The following CDH12 variants were observed in gnomAD, a reference collection of about 807,000 sequenced individuals.
CDH12 encodes cadherin-12.
In CDH12, 41 loss-of-function variants were observed where a neutral mutation model predicts 74.1. That is an observed-to-expected ratio of 0.55 (90% CI 0.43 to 0.72). CDH12 has a LOEUF of 0.72. Ranked by LOEUF, CDH12 falls within the 30% of genes least tolerant of loss-of-function variation. CDH12 has a pLI of 0.00. For missense variants in CDH12, 945 were observed against 977.2 expected, an observed-to-expected ratio of 0.97 and a Z score of 0.44; for synonymous variants, 399 against 355.0, an observed-to-expected ratio of 1.12 and a Z score of -1.39.
intron 1 of CDH12, among the ~76,000 whole-genome samples, chr5:22,655,743 T>C (rs141707627): frequency 2.6e-5 from 4 of 152,362 alleles, no homozygotes; most frequent in African/African-American, 9.6e-5. Context: ...TGCCTTTGTT[T>C]ATGCTGTCGC....
intron 5 of CDH12, among the ~76,000 whole-genome samples, chr5:22,060,342 G>A (rs1243754601): frequency 6.6e-6 from 1 of 151,952 alleles, no homozygotes; most frequent in Non-Finnish European, 1.5e-5. Context: ...AGGGGAGGGA[G>A]AGCATTAGGA....
intron 1 of CDH12, among the ~76,000 whole-genome samples, chr5:22,529,084 C>CAT (rs1198489434): frequency 6.7e-6 from 1 of 148,862 alleles, no homozygotes; most frequent in Admixed American, 6.7e-5. Context: ...CATATATATG[C>CAT]ATGCAAAACA....
At chr5:22,228,745 G>A (rs1454920030) in intron 3 of CDH12, among the ~76,000 whole-genome samples, 2 of 152,026 alleles carry the variant, frequency 1.3e-5, no homozygotes, top group Non-Finnish European at 1.5e-5. Flanking sequence ...CCCTTAATCA[G>A]ATATGAGAGA....
chr5:22,728,416 G>A (rs1271657857), intron 1 of CDH12, among the ~76,000 whole-genome samples: 3 of 151,652 alleles, frequency 2.0e-5, no homozygotes, highest in African/African-American at 4.8e-5. Flanking sequence ...TGTTTCTTCC[G>A]GTAGTCATTC....
At chr5:22,785,134 G>A (rs944830642) in intron 1 of CDH12, among the ~76,000 whole-genome samples, 5 of 152,070 alleles carry the variant, frequency 3.3e-5, no homozygotes, top group Non-Finnish European at 7.4e-5. Context: ...GAGGCACACC[G>A]ATTCTCCTCT....
intron 4 of CDH12, among the ~76,000 whole-genome samples, chr5:22,080,167 C>A (rs1381880072): frequency 1.3e-5 from 2 of 151,932 alleles, no homozygotes; most frequent in African/African-American, 2.4e-5. Context: ...GAACTAAAAT[C>A]AAATCAATGC....
At chr5:21,988,042 C>T (rs997458965) in intron 5 of CDH12, among the ~76,000 whole-genome samples, 19 of 152,066 alleles carry the variant, frequency 1.2e-4, no homozygotes, top group Middle Eastern at 3.2e-3. Context: ...TCTGCCTCAC[C>T]TGTATCACCT....
At chr5:22,128,932 G>T (rs1378888252) in intron 4 of CDH12, among the ~76,000 whole-genome samples, 1 of 152,196 alleles carries the variant, frequency 6.6e-6, no homozygotes, top group Non-Finnish European at 1.5e-5. Flanking sequence ...ATGGATTTAA[G>T]ATATATGATA....
intron 3 of CDH12, among the ~76,000 whole-genome samples, chr5:22,241,796 A>G (rs564161044): frequency 6.6e-6 from 1 of 152,116 alleles, no homozygotes; most frequent in Non-Finnish European, 1.5e-5. Context: ...AATTAATTCC[A>G]ACCAAATTTA....
intron 1 of CDH12, among the ~76,000 whole-genome samples, chr5:22,515,677 A>G (rs970235642): frequency 2.0e-5 from 3 of 152,120 alleles, no homozygotes; most frequent in Admixed American, 2.0e-4. Flanking sequence ...ACTATTTGAT[A>G]TGTAGTAATG....
At chr5:22,266,357 G>A (rs2150397281) in intron 3 of CDH12, among the ~76,000 whole-genome samples, 2 of 152,172 alleles carry the variant, frequency 1.3e-5, no homozygotes, top group East Asian at 3.9e-4. Context: ...ACAGGTGTGA[G>A]CCACCATGCC....
chr5:22,439,689 A>G (rs1413096265), intron 2 of CDH12, among the ~76,000 whole-genome samples: 5 of 152,078 alleles, frequency 3.3e-5, no homozygotes, highest in African/African-American at 4.8e-5. Context: ...TACATCAAGG[A>G]AGTATACAGG....
At chr5:22,194,015 G>A (rs567930423) in intron 4 of CDH12, among the ~76,000 whole-genome samples, 11 of 152,082 alleles carry the variant, frequency 7.2e-5, no homozygotes, top group Non-Finnish European at 1.6e-4. Context: ...ACAAATGTTA[G>A]AATTTGGAAA....
intron 14 of CDH12, among the ~76,000 whole-genome samples, chr5:21,753,566 C>G (rs985775949): frequency 6.6e-6 from 1 of 152,202 alleles, no homozygotes; most frequent in Non-Finnish European, 1.5e-5. Flanking sequence ...CTTTCTCTCA[C>G]CCCACAAAGG....
At chr5:22,683,039 A>G (rs1387160911) in intron 1 of CDH12, among the ~76,000 whole-genome samples, 3 of 152,120 alleles carry the variant, frequency 2.0e-5, no homozygotes, top group East Asian at 3.8e-4. Context: ...ATTATCATTC[A>G]TTTAATTCCA....
intron 6 of CDH12, among the ~76,000 whole-genome samples, chr5:21,963,481 T>C (rs772036121): frequency 3.9e-5 from 6 of 152,142 alleles, no homozygotes; most frequent in Non-Finnish European, 8.8e-5. Flanking sequence ...TCACATTCTC[T>C]GGTTAAATGT....
intron 1 of CDH12, among the ~76,000 whole-genome samples, chr5:22,554,541 T>A (rs185301921): frequency 6.2e-4 from 94 of 152,208 alleles, no homozygotes; most frequent in Middle Eastern, 3.4e-3. Context: ...CAATTAATAA[T>A]AAATTAATTG....
rs560344072 is a variant in CDH12 at position 21,880,402 on chromosome 5, A to G, written c.527-25612T>C. The stretch of plus-strand genomic sequence containing the variant: ...AAGTTCTTGTCTGTAGATGGGGATC[A>G]TCCCAGCACTGGGGTGCTCTATATA... On this transcript the variant is annotated intron_variant, in intron 6 of 14. Coordinates refer to ENST00000382254, the MANE Select transcript of CDH12 (RefSeq NM_004061.5). Among the ~76,000 whole-genome samples the G allele has an allele frequency of 9.8e-4, 149 of 152,256 alleles. 2 individuals carry two copies. Among genetic ancestry groups the G allele is most frequent in the Middle Eastern group, 6.8e-3 (2 of 294 alleles).
At position 21,751,792 on chromosome 5, in the gene CDH12, A is replaced by ACTT; in HGVS notation, c.2327_2329dup (p.Lys776_Val777insGlu). 6.2e-7 allele frequency: 1 copy of ACTT among 1,613,942 alleles called. No homozygotes were observed. Among genetic ancestry groups the ACTT allele is most frequent in the Admixed American group, 1.7e-5 (1 of 60,006 alleles). ...TTCTTCGCCAAACATGTCTGCCAAG[A>ACTT]CTTTAAAGCGGGGTCCCCAGTCTGT... On this transcript the variant is annotated inframe_insertion, in exon 15 of 15. Coordinates refer to ENST00000382254, the MANE Select transcript of CDH12 (RefSeq NM_004061.5).
Sources: allele counts gnomAD v4.1 joint callset (sites outside exome capture counted in the v4.1 genomes callset), GRCh38; gene constraint gnomAD v4.1.1; transcripts MANE v1.5; gene names NCBI Gene and HGNC (gene_info 2026-07-23, HGNC 2026-07-21).